Variants in BDH1 observed in about 807,000 individuals in gnomAD.
The protein encoded by BDH1 is D-beta-hydroxybutyrate dehydrogenase, mitochondrial.
In BDH1, 30 loss-of-function variants were observed where a neutral mutation model predicts 33.1. The ratio of observed to expected loss-of-function variants is 0.91; its 90% confidence interval spans 0.68 to 1.23. The LOEUF is 1.23. BDH1 is among the 50% of genes most tolerant of loss of function. BDH1 has a pLI of 0.00. For missense variants in BDH1, 443 were observed against 464.4 expected (o/e 0.95, Z 0.42); for synonymous variants, 190 against 183.6 (o/e 1.03, Z -0.28).
At chr3:197,542,113 C>T (rs541702762) in intron 3 of BDH1, among the ~76,000 whole-genome samples, 14 of 152,232 alleles carry the variant, frequency 9.2e-5, no homozygotes, top group Admixed American at 3.3e-4. Flanking sequence ...GATGCAGGTG[C>T]GTTGCTTGTC....
At position 197,522,546 on chromosome 3, in the gene BDH1, G is replaced by A. The variant is rs1414238934; in HGVS notation, c.409+94C>T. ...CCTAAACAATAAGGAAGGGAGTGTG[G>A]TGGCAGGATGCCAGCCAGTGGAAGG... On this transcript the variant is annotated intron_variant, in intron 6 of 7. Transcript: ENST00000392379. The surrounding 1 kb of genome is among the most constrained non-coding windows in gnomAD (Gnocchi z 4.8). 2.7e-6 allele frequency: 4 copies of A among 1,495,988 alleles called. No individual in the cohort carries two copies. Among genetic ancestry groups the A allele is most frequent in the Non-Finnish European group, 3.7e-6 (4 of 1,090,614 alleles). The allele number at this position is 1,495,988 out of a possible 1,614,324, so 92.7% of individuals were successfully genotyped here. A position where few individuals can be genotyped will look rare whatever the true frequency, so the allele number is the denominator to read the frequency against.
In BDH1 at chr3:197,555,925, A is replaced by T. The variant is rs962876195; in HGVS notation, c.-340T>A. On this transcript the variant is annotated 5_prime_UTR_variant, in exon 1 of 8. Coordinates refer to ENST00000392379, the MANE Select transcript of BDH1 (RefSeq NM_203314.3). ...GGGTCTTTCTGGAAGCCCCTCCACC[A>T]GCACTCCTGCGGCCTGCGGCCTCCG... The T allele has an allele frequency of 6.6e-6, 1 of 152,236 alleles. No individual in the cohort carries two copies. The highest frequency in any genetic ancestry group is 2.4e-5 in the African/African-American group (1 of 41,460). The allele number at this position is 152,236 out of a possible 1,614,324, so 9.4% of individuals were successfully genotyped here. A position where few individuals can be genotyped will look rare whatever the true frequency, so the allele number is the denominator to read the frequency against.
At chr3:197,565,732 C>T (rs182636748) in intron 1 of BDH1, among the ~76,000 whole-genome samples, 1 of 152,230 alleles carries the variant, frequency 6.6e-6, no homozygotes, top group East Asian at 1.9e-4. Context: ...TGCCTTAAAA[C>T]CTTTTGTCAT....
Position 197,512,182 on chromosome 3 carries a change from T to G in BDH1, c.745A>C (p.Ser249Arg). The G allele has an allele frequency of 6.2e-7, 1 of 1,614,098 alleles. No homozygotes were observed. Among genetic ancestry groups the G allele is most frequent in the South Asian group, 1.1e-5 (1 of 91,084 alleles). Residue 249 changes from serine (S) to arginine (R), a missense_variant, in exon 8 of 8, where the codon AGC becomes CGC. Ser to Arg is a moderately radical substitution (Grantham distance 110, BLOSUM62 -1). Transcript: ENST00000392379. ...GCGATGGCCTGAATGCTCTCAGGGC[T>G]GTAAAGGCTGGTGGCAGCGATGAAG... ...GNFIAATSLY[S>R]PESIQAIAKK...
intron 3 of BDH1, among the ~76,000 whole-genome samples, chr3:197,545,504 A>C (rs1246538739): frequency 6.6e-6 from 1 of 152,242 alleles, no homozygotes; most frequent in Non-Finnish European, 1.5e-5. Context: ...CAACATAACC[A>C]GCGAGAGTGT....
rs1269535750 is a variant in BDH1, at chr3:197,522,448, G to A, written c.409+192C>T. On this transcript the variant is annotated intron_variant, in intron 6 of 7. Coordinates refer to ENST00000392379, the MANE Select transcript of BDH1 (RefSeq NM_203314.3). The surrounding 1 kb of genome is among the most constrained non-coding windows in gnomAD (Gnocchi z 4.8). The stretch of plus-strand genomic sequence containing the variant: ...TGAACTCTGAAATCACCTCCTGACT[G>A]TATTTTTCCATTGCCCTATTGCACG... Among the ~76,000 whole-genome samples, 2 of 152,160 alleles carry A rather than the reference G, an allele frequency of 1.3e-5. No homozygotes were observed. The highest frequency in any genetic ancestry group is 3.9e-4 in the East Asian group (2 of 5,186).
Position 197,534,545 on chromosome 3 carries a change from C to G in BDH1, c.84-984G>C, listed in dbSNP as rs1311672754. Among the ~76,000 whole-genome samples the G allele has an allele frequency of 2.0e-5, 3 of 152,306 alleles. No homozygotes were observed. The East Asian group carries it at 5.8e-4, about 29-fold the overall frequency. On this transcript the variant is annotated intron_variant, in intron 3 of 7. Coordinates refer to ENST00000392379, the MANE Select transcript of BDH1 (RefSeq NM_203314.3). ...ATAAAGCTGCTTGAACATTCCTACA[C>G]AGGTTTTTGCGCAAACGTTGAGTTT...
In BDH1 at chr3:197,514,706, C is replaced by T. The variant is rs1384232021; in HGVS notation, c.410-290G>A. On this transcript the variant is annotated intron_variant, in intron 6 of 7. Transcript: ENST00000392379. The surrounding 1 kb of genome is among the most constrained non-coding windows in gnomAD (Gnocchi z 4.2). The stretch of plus-strand genomic sequence containing the variant: ...CCAGCCTGCCGTGTCCCCCGGCCTT[C>T]AGTCTCACCTCACCTCAAATTCCCA... 6.6e-6 allele frequency among the ~76,000 whole-genome samples: 1 copy of T among 152,196 alleles called. No individual in the cohort carries two copies. Among genetic ancestry groups the T allele is most frequent in the Non-Finnish European group, 1.5e-5 (1 of 68,042 alleles).
rs1717277405 is a variant in BDH1 at position 197,562,022 on chromosome 3, G to C, written c.-44+11159C>G. Among the ~76,000 whole-genome samples the C allele has an allele frequency of 2.6e-5, 4 of 152,176 alleles. No homozygotes were observed. In the South Asian group the frequency reaches 8.3e-4, roughly 32 times the overall value. On this transcript the variant is annotated intron_variant, in intron 1 of 6. Transcript: ENST00000358186. The stretch of plus-strand genomic sequence containing the variant: ...TTGTGTTTTCTCTGTGAAGTTTCAA[G>C]AGTCGTGGGCGGATTCTTCTTACAT...
chr3:197,546,715 T>C (rs1056532575), intron 2 of BDH1, among the ~76,000 whole-genome samples: 4 of 152,216 alleles, frequency 2.6e-5, no homozygotes, highest in Non-Finnish European at 5.9e-5. Flanking sequence ...TGGCTCTAGC[T>C]GTGCCACCAA....
At position 197,511,618 on chromosome 3, in the gene BDH1, T is replaced by A. The variant is rs1023179588; in HGVS notation, c.*277A>T. On this transcript the variant is annotated 3_prime_UTR_variant, in exon 8 of 8. Coordinates refer to ENST00000392379, the MANE Select transcript of BDH1 (RefSeq NM_203314.3). ...TGTTTTTAATATAAAGATGTTTTCT[T>A]AAAATCTCTGTATGAAATTATCTCC... The A allele has an allele frequency of 4.8e-6, 2 of 412,678 alleles. No homozygotes were observed. The highest frequency in any genetic ancestry group is 8.6e-6 in the Non-Finnish European group (2 of 233,878). 25.6% of individuals were successfully genotyped at this position (412,678 alleles called of 1,614,324 possible).
chr3:197,560,919 C>T (rs1044077761), upstream of BDH1, among the ~76,000 whole-genome samples: 20 of 151,788 alleles, frequency 1.3e-4, no homozygotes, highest in Non-Finnish European at 2.6e-4. Flanking sequence ...GAACCCACCT[C>T]CCTGTCCCAC....
intron 3 of BDH1, among the ~76,000 whole-genome samples, chr3:197,544,966 T>C (rs965529858): frequency 6.6e-6 from 1 of 152,194 alleles, no homozygotes; most frequent in Non-Finnish European, 1.5e-5. Context: ...GAGAATTGCT[T>C]GAACCCGGGA....
At position 197,546,409 on chromosome 3, in the gene BDH1, C is replaced by T. The variant is rs563283061; in HGVS notation, c.35G>A (p.Arg12Gln). The T allele has an allele frequency of 1.4e-4, 226 of 1,614,094 alleles. 2 individuals carry two copies. In the South Asian group the frequency reaches 2.3e-3, roughly 17 times the overall value. Reference sequence around the variant, plus strand: ...GGCACTTAGGGTTTTTCCTGGGAGCCGTGACAGGGGTCTGGAGAGGCGGGT... The same window carrying T: ...GGCACTTAGGGTTTTTCCTGGGAGCTGTGACAGGGGTCTGGAGAGGCGGGT... ...LATRLSRPLS[R>Q]LPGKTLSACD... is the part of the protein sequence containing the mutation. Residue 12 changes from arginine (R) to glutamine (Q), a missense_variant, in exon 3 of 8, where the codon CGG becomes CAG. Arg to Gln is a conservative substitution (Grantham distance 43). Transcript: ENST00000392379.
At chr3:197,531,408 T>C (rs1334440253) in intron 5 of BDH1, among the ~76,000 whole-genome samples, 3 of 129,370 alleles carry the variant, frequency 2.3e-5, no homozygotes, top group Admixed American at 7.8e-5. Flanking sequence ...AAAACATAAA[T>C]TAAAAAAAAA....
At chr3:197,572,575 C>T (rs1026103417) in intron 1 of BDH1, among the ~76,000 whole-genome samples, 3 of 152,152 alleles carry the variant, frequency 2.0e-5, no homozygotes, top group African/African-American at 7.2e-5. Flanking sequence ...CAGCCCGACC[C>T]TCAGTTTGGT....
chr3:197,558,454 A>G (rs1717149014), upstream of BDH1, among the ~76,000 whole-genome samples: 1 of 152,214 alleles, frequency 6.6e-6, no homozygotes, highest in South Asian at 2.1e-4. Flanking sequence ...CTGTTTGCCC[A>G]TAGTAGTGAC....
rs554345859 is a variant in BDH1 at position 197,513,017 on chromosome 3, G to A, written c.563-653C>T. ...AACTCCATTCCACCCTGGTAGGGTG[G>A]AGCCTGGGTGGAGACCAGGACCGCC... On this transcript the variant is annotated intron_variant, in intron 7 of 7. Transcript: ENST00000392379. Among the ~76,000 whole-genome samples, 283 of 152,256 alleles carry A rather than the reference G, an allele frequency of 1.9e-3. 2 individuals are homozygous for A. Among genetic ancestry groups the A allele is most frequent in the African/African-American group, 6.3e-3 (261 of 41,566 alleles).
Position 197,512,014 on chromosome 3 carries a change from C to A in BDH1, c.913G>T (p.Ala305Ser). ...TSPVIDAVTH[A>S]LTATTPYTRY... The stretch of plus-strand genomic sequence containing the variant: ...GTGTAGGGGGTGGTGGCGGTCAGGG[C>A]GTGTGTGACAGCATCGATGACAGGG... Residue 305 changes from alanine to serine, a missense_variant, in exon 8 of 8, where the codon GCC becomes TCC. Ala to Ser is a moderately conservative substitution (Grantham distance 99, BLOSUM62 1). Coordinates refer to ENST00000392379, the MANE Select transcript of BDH1 (RefSeq NM_203314.3). 1.2e-6 allele frequency: 2 copies of A among 1,614,026 alleles called. No individual in the cohort carries two copies. Among genetic ancestry groups the A allele is most frequent in the Admixed American group, 1.7e-5 (1 of 59,998 alleles).
Sources: allele counts gnomAD v4.1 joint callset (sites outside exome capture counted in the v4.1 genomes callset), GRCh38; gene constraint gnomAD v4.1.1; non-coding constraint Gnocchi (gnomAD v3.1); transcripts MANE v1.5; gene names NCBI Gene and HGNC (gene_info 2026-07-23, HGNC 2026-07-21).